ACTR3: variants seen among roughly 807,000 people sequenced by gnomAD.
ACTR3 encodes actin related protein 3, also known as actin-related protein 3.
A neutral mutation model predicts 56.8 loss-of-function variants in ACTR3; 12 were observed. That is an observed-to-expected ratio of 0.21 (90% CI 0.14 to 0.34). ACTR3 has a LOEUF of 0.34. Among genes scored for constraint, ACTR3 ranks in the 10% least tolerant of loss-of-function variants. The probability of loss-of-function intolerance (pLI) is 1.00; values close to 1 mark genes in which losing one functional copy is unlikely to be tolerated. For missense variants in ACTR3, 282 were observed against 512.5 expected (o/e 0.55, Z 4.34); for synonymous variants, 162 against 167.4 (o/e 0.97, Z 0.25).
chr2:113,904,721 T>C (rs1679162593), intron 1 of ACTR3: 1 of 152,232 alleles, frequency 6.6e-6, no homozygotes, highest in African/African-American at 2.4e-5. Flanking sequence ...TATTTTGTTG[T>C]TGTTGTTATA....
At chr2:113,890,572 G>A in intron 1 of ACTR3, 1 of 1,368,838 alleles carries the variant, frequency 7.3e-7, no homozygotes, top group African/African-American at 1.5e-5. Context: ...GGCTTTCTCC[G>A]CGCGACCCCT....
Position 113,955,726 on chromosome 2 carries a change from CTTTTA to C in ACTR3, c.1161+32_1161+36del, listed in dbSNP as rs778782458. The C allele has an allele frequency of 5.8e-5, 91 of 1,566,086 alleles. 2 individuals carry two copies. In the South Asian group the frequency reaches 7.1e-4, roughly 12 times the overall value. ...TCCACGGTGAGTGTGATGAAGCTTA[CTTTTA>C]TTTTATTTTATCATTATTATTTTAT... is the stretch of plus-strand genomic sequence containing the variant. On this transcript the variant is annotated intron_variant, in intron 11 of 11. Transcript: ENST00000263238.
chr2:113,955,799 G>T (rs760891608), intron 11 of ACTR3, 93 bp downstream of exon 11: 3 of 994,630 alleles, frequency 3.0e-6, no homozygotes, highest in Non-Finnish European at 4.4e-6. Flanking sequence ...CCAGGCTGGA[G>T]TGCAATGGCA....
intron 8 of ACTR3, among the ~76,000 whole-genome samples, chr2:113,946,344 C>G (rs1459427400): frequency 6.7e-6 from 1 of 149,714 alleles, no homozygotes; most frequent in Admixed American, 6.6e-5. Flanking sequence ...TTTTCTCTTT[C>G]CTTCATTTTT....
chr2:113,893,371 G>T (rs1019635571), intron 1 of ACTR3, among the ~76,000 whole-genome samples: 2 of 152,064 alleles, frequency 1.3e-5, no homozygotes, highest in African/African-American at 4.8e-5. Context: ...TCGGCTCACT[G>T]CAACCTCCAC....
chr2:113,944,068 G>A (rs1299166109), intron 8 of ACTR3, among the ~76,000 whole-genome samples: 2 of 152,186 alleles, frequency 1.3e-5, no homozygotes, highest in Non-Finnish European at 2.9e-5. Flanking sequence ...AGGGTAAATA[G>A]TGCCAGTTGC....
chr2:113,919,078 A>G (rs141695700), intron 3 of ACTR3, among the ~76,000 whole-genome samples: 54 of 152,342 alleles, frequency 3.5e-4, no homozygotes, highest in Non-Finnish European at 5.9e-4. Flanking sequence ...TTTTGTCTAT[A>G]TAATCTTTCC....
intron 1 of ACTR3, among the ~76,000 whole-genome samples, chr2:113,911,273 C>G (rs959078782): frequency 6.7e-6 from 1 of 149,870 alleles, no homozygotes; most frequent in Non-Finnish European, 1.5e-5. Flanking sequence ...GTATACATTA[C>G]AAGGAAATTT....
intron 1 of ACTR3, among the ~76,000 whole-genome samples, chr2:113,897,472 C>A (rs939889420): frequency 5.3e-5 from 8 of 151,142 alleles, no homozygotes; most frequent in African/African-American, 1.7e-4. Context: ...TTACATACTC[C>A]TTGGAACCAG....
chr2:113,939,568 A>G (rs1398987717), intron 6 of ACTR3, among the ~76,000 whole-genome samples: 2 of 152,246 alleles, frequency 1.3e-5, no homozygotes, highest in Non-Finnish European at 2.9e-5. Flanking sequence ...ATGGATACAT[A>G]CTTGATTAGG....
rs542325027 is a variant in ACTR3, at chr2:113,921,890, G to A, written c.225+4882G>A. Among the ~76,000 whole-genome samples, 4 of 152,266 alleles carry A rather than the reference G, an allele frequency of 2.6e-5. No homozygotes were observed. In the East Asian group the frequency reaches 7.7e-4, roughly 29 times the overall value. On this transcript the variant is annotated intron_variant, in intron 3 of 11. Coordinates refer to ENST00000263238, the MANE Select transcript of ACTR3 (RefSeq NM_005721.5). ...ACATTACCTAGGGGAACATATCACA[G>A]GGGAAGAGAACTAAGACAGAGCAGT...
At chr2:113,892,313 G>A (rs1678919796) in intron 1 of ACTR3, among the ~76,000 whole-genome samples, 2 of 152,316 alleles carry the variant, frequency 1.3e-5, no homozygotes, top group South Asian at 4.1e-4. Flanking sequence ...TTAAAATTAC[G>A]ATTATCACAA....
intron 8 of ACTR3, among the ~76,000 whole-genome samples, chr2:113,949,023 A>G (rs1247170657): frequency 1.4e-5 from 1 of 71,026 alleles, no homozygotes; most frequent in African/African-American, 2.5e-4. Flanking sequence ...TGTCACTTTG[A>G]TAACATTAAA....
rs922996656 is a variant in ACTR3, at chr2:113,958,679, T to C, written c.*1224T>C. Reference sequence around the variant, plus strand: ...TGTTTCTGTTGAGATTTGGGAGTTATTGAAATCTCTGTAATGTGTATGGTA... The same window carrying C: ...TGTTTCTGTTGAGATTTGGGAGTTACTGAAATCTCTGTAATGTGTATGGTA... On this transcript the variant is annotated 3_prime_UTR_variant, in exon 12 of 12. Coordinates refer to ENST00000263238, the MANE Select transcript of ACTR3 (RefSeq NM_005721.5). 2.6e-5 allele frequency: 4 copies of C among 152,048 alleles called. No homozygotes were observed. The highest frequency in any genetic ancestry group is 1.9e-4 in the East Asian group (1 of 5,204). 9.4% of individuals were successfully genotyped at this position (152,048 alleles called of 1,614,324 possible).
At chr2:113,957,210 A>G (rs948191303) in intron 11 of ACTR3, 150 bp from the exon 12 acceptor site, 1 of 545,140 alleles carries the variant, frequency 1.8e-6, no homozygotes, top group Admixed American at 3.1e-5. Context: ...GGCTGCTAGA[A>G]TTTCTAAGCT....
chr2:113,954,611 G>C (rs992070375), intron 10 of ACTR3: 1 of 149,574 alleles, frequency 6.7e-6, no homozygotes, highest in African/African-American at 2.5e-5. Flanking sequence ...TGACCAGTGG[G>C]AGTTATTCAA....
At chr2:113,915,570 A>G (rs1674288605) in intron 2 of ACTR3, among the ~76,000 whole-genome samples, 1 of 152,184 alleles carries the variant, frequency 6.6e-6, no homozygotes, top group Non-Finnish European at 1.5e-5. Flanking sequence ...TTTGTGTATA[A>G]TCTTTTGTTG....
chr2:113,927,450 C>A lies in ACTR3; in HGVS notation c.331C>A (p.Leu111Ile). Residue 111 changes from leucine (L) to isoleucine (I), a missense_variant, in exon 4 of 12, where the codon CTT becomes ATT. By Grantham distance (5) the Leu-to-Ile change is conservative. Coordinates refer to ENST00000263238, the MANE Select transcript of ACTR3 (RefSeq NM_005721.5). ...LRAEPEDHYF[L>I]LTEPPLNTPE... is the part of the protein sequence containing the mutation. ...GGCAGAACCTGAAGACCATTATTTT[C>A]TTTTGGTAAGTTACAAGTTATAATT... is the stretch of plus-strand genomic sequence containing the variant. 3 of 1,583,534 alleles carry A rather than the reference C, an allele frequency of 1.9e-6. No individual in the cohort carries two copies. Among genetic ancestry groups the A allele is most frequent in the Non-Finnish European group, 2.6e-6 (3 of 1,163,710 alleles).
intron 5 of ACTR3, among the ~76,000 whole-genome samples, chr2:113,931,882 T>C (rs2104609656): frequency 6.6e-6 from 1 of 152,056 alleles, no homozygotes; most frequent in South Asian, 2.1e-4. Flanking sequence ...GGATCAGAGC[T>C]GACCTCATTT....
Sources: allele counts gnomAD v4.1 joint callset (sites outside exome capture counted in the v4.1 genomes callset), GRCh38; gene constraint gnomAD v4.1.1; transcripts MANE v1.5; gene names NCBI Gene and HGNC (gene_info 2026-07-23, HGNC 2026-07-21).